ME1: variants seen among roughly 807,000 people sequenced by gnomAD.
ME1 encodes the protein NADP-dependent malic enzyme.
ME1 carries 74 observed loss-of-function variants against 66.4 expected under a neutral mutation model. The ratio of observed to expected loss-of-function variants is 1.11; its 90% confidence interval spans 0.92 to 1.35. ME1 has a LOEUF of 1.35. Among genes scored for constraint, ME1 ranks in the 40% most tolerant of loss-of-function variants. The pLI is 0.00. For synonymous variants in ME1, 251 were observed against 235.6 expected, an observed-to-expected ratio of 1.07 and a Z score of -0.60; for missense variants, 750 against 694.1, an observed-to-expected ratio of 1.08 and a Z score of -0.90.
At chr6:83,408,005 A>C (rs1017330581) in intron 1 of ME1, 104 bp from the exon 2 acceptor site, 1 of 1,329,242 alleles carries the variant, frequency 7.5e-7, no homozygotes, top group African/African-American at 1.5e-5. Context: ...AAAAATCCGA[A>C]GTCTGCGTCA....
chr6:83,253,821 A>C (rs1388648736), intron 6 of ME1, 83 bp from the exon 7 acceptor site: 1 of 680,310 alleles, frequency 1.5e-6, no homozygotes. Flanking sequence ...CCATAGAAAT[A>C]GGAAAACATT....
intron 8 of ME1, 105 bp from the exon 9 acceptor site, chr6:83,237,935 G>A: frequency 1.8e-6 from 1 of 556,904 alleles, no homozygotes; most frequent in Non-Finnish European, 3.1e-6. Context: ...AAATATTTTT[G>A]TCACATTTAG....
chr6:83,292,860 C>T (rs1397269504), intron 6 of ME1, among the ~76,000 whole-genome samples: 3 of 152,138 alleles, frequency 2.0e-5, no homozygotes, highest in African/African-American at 7.2e-5. Context: ...GTGGACGCCC[C>T]TCCCGCCGCC....
intron 4 of ME1, among the ~76,000 whole-genome samples, chr6:83,348,984 C>CAAAAAAAAAAAAAA (rs71545855): frequency 8.5e-5 from 4 of 47,196 alleles, no homozygotes; most frequent in South Asian, 6.5e-4. Context: ...AACTCTGTCT[C>CAAAAAAAAAAAAAA]AAAAAAAAAA....
rs140939405 is a variant in ME1, at chr6:83,427,733, C to T, written c.78+3144G>A. ...AAGAAAAAAAAATACAACTTATGGC[C>T]GGGTGCAGTAGCTCACGCCTGTAAT... On this transcript the variant is annotated intron_variant, in intron 1 of 13. Transcript: ENST00000369705. 4.2e-4 allele frequency among the ~76,000 whole-genome samples: 64 copies of T among 152,186 alleles called. No homozygotes were observed. The East Asian group carries it at 5.8e-3, about 14-fold the overall frequency.
intron 1 of ME1, among the ~76,000 whole-genome samples, chr6:83,412,643 C>A (rs1014444620): frequency 1.3e-5 from 2 of 148,332 alleles, no homozygotes; most frequent in Admixed American, 1.4e-4. Context: ...TATATCCATA[C>A]ACTGAAATAT....
intron 5 of ME1, among the ~76,000 whole-genome samples, chr6:83,341,972 CAA>C (rs2128543211): frequency 6.6e-6 from 1 of 152,272 alleles, no homozygotes; most frequent in African/African-American, 2.4e-5. Flanking sequence ...GACTGTGGGC[CAA>C]GTCTTCATTT....
chr6:83,274,519 G>A (rs1388973581), intron 6 of ME1, among the ~76,000 whole-genome samples: 1 of 152,096 alleles, frequency 6.6e-6, no homozygotes, highest in African/African-American at 2.4e-5. Flanking sequence ...ATTCATAAAA[G>A]GTTGTTTCAG....
rs145717975 is a variant in ME1 at position 83,327,329 on chromosome 6, G to A, written c.601-11916C>T. 6.5e-3 allele frequency among the ~76,000 whole-genome samples: 996 copies of A among 152,336 alleles called. 11 individuals are homozygous for A. The highest frequency in any genetic ancestry group is 0.023 in the African/African-American group (944 of 41,582). On this transcript the variant is annotated intron_variant, in intron 5 of 13. Coordinates refer to ENST00000369705, the MANE Select transcript of ME1 (RefSeq NM_002395.6). The stretch of plus-strand genomic sequence containing the variant: ...AACCTTAAACTCTGACCATTGGTGA[G>A]CTGGGCAGAACAGAGGCATATTTCT...
rs1232675185 is a variant in ME1 at position 83,261,999 on chromosome 6, G to A, written c.705-8261C>T. Reference sequence around the variant, plus strand: ...ACCGCACTCCAGCCTGGGCAACAGAGCGAGAATCCATCTCAAAAAAAAAAA... The same window carrying A: ...ACCGCACTCCAGCCTGGGCAACAGAACGAGAATCCATCTCAAAAAAAAAAA... On this transcript the variant is annotated intron_variant, in intron 6 of 13. Transcript: ENST00000369705. Among the ~76,000 whole-genome samples the A allele has an allele frequency of 2.2e-5, 3 of 137,900 alleles. No homozygotes were observed. The Admixed American group carries it at 2.4e-4, about 11-fold the overall frequency. 90.5% of individuals were successfully genotyped at this position (137,900 alleles called of 152,430 possible). A position where few individuals can be genotyped will look rare whatever the true frequency, so the allele number is the denominator to read the frequency against.
chr6:83,315,363 T>G lies in ME1; in HGVS notation c.651A>C (p.Arg217Ser). ...CCAAAAAATCATCATATTCAGAACC[T>G]CTTACTCTTCTCTGCCGTAGTCCAA... is the stretch of plus-strand genomic sequence containing the variant. ...LYIGLRQRRV[R>S]GSEYDDFLDE... Residue 217 changes from arginine to serine, a missense_variant, in exon 6 of 14, where the codon AGA (arginine) becomes AGC (serine). Coordinates refer to ENST00000369705, the MANE Select transcript of ME1 (RefSeq NM_002395.6). 6.2e-7 allele frequency: 1 copy of G among 1,612,600 alleles called. No individual in the cohort carries two copies.
intron 3 of ME1, among the ~76,000 whole-genome samples, chr6:83,353,742 T>C (rs1464885543): frequency 1.3e-5 from 2 of 152,204 alleles, no homozygotes; most frequent in Non-Finnish European, 2.9e-5. Flanking sequence ...GACATGTCTA[T>C]AGTAGTTTTG....
At position 83,301,326 on chromosome 6, in the gene ME1, CTCTCTCTCTCTCTT is replaced by C. The variant is rs1454733583; in HGVS notation, c.704+13970_704+13983del. Among the ~76,000 whole-genome samples the C allele has an allele frequency of 1.2e-3, 164 of 138,212 alleles. 1 individual carries two copies. The highest frequency in any genetic ancestry group is 2.0e-3 in the Non-Finnish European group (129 of 65,018). The allele number at this position is 138,212 out of a possible 152,430, so 90.7% of individuals were successfully genotyped here. On this transcript the variant is annotated intron_variant, in intron 6 of 13. Transcript: ENST00000369705. ...CTTCTTTCTTTCTTTCTCTCTCTCTCTCTCTCTCTCTCTTTCTTTCTTTCTTTCTTTCTTGAGAT... is the reference window on the plus strand; with the variant it reads ...CTTCTTTCTTTCTTTCTCTCTCTCTCTCTTTCTTTCTTTCTTTCTTGAGAT...
intron 1 of ME1, among the ~76,000 whole-genome samples, chr6:83,416,232 A>G (rs1770157509): frequency 6.6e-6 from 1 of 152,226 alleles, no homozygotes; most frequent in Non-Finnish European, 1.5e-5. Flanking sequence ...AAATGAGACC[A>G]GGTGTTTTTG....
intron 1 of ME1, among the ~76,000 whole-genome samples, chr6:83,425,522 G>T (rs75202717): frequency 0.067 from 10,174 of 152,070 alleles, 642 homozygotes; most frequent in African/African-American, 0.16. Context: ...TGAGCAAAAG[G>T]GGGGAAAGCC....
intron 6 of ME1, among the ~76,000 whole-genome samples, chr6:83,295,921 A>C (rs1767590162): frequency 6.6e-6 from 1 of 152,160 alleles, no homozygotes; most frequent in African/African-American, 2.4e-5. Context: ...AACTTTGAAG[A>C]GATGGATAAA....
chr6:83,307,864 AGAT>A (rs1330730888), intron 6 of ME1, among the ~76,000 whole-genome samples: 3 of 152,130 alleles, frequency 2.0e-5, no homozygotes. Context: ...TCTTTAGAAA[AGAT>A]GATATTAATA....
intron 7 of ME1, among the ~76,000 whole-genome samples, chr6:83,248,866 T>C (rs576606186): frequency 3.3e-5 from 5 of 152,254 alleles, no homozygotes; most frequent in East Asian, 3.9e-4. Context: ...AGTGTGAAAA[T>C]AGACTAATGC....
intron 6 of ME1, among the ~76,000 whole-genome samples, chr6:83,313,629 G>A (rs377567885): frequency 2.0e-5 from 3 of 151,968 alleles, no homozygotes; most frequent in African/African-American, 7.3e-5. Context: ...ATAGCCTTAC[G>A]GTATTATCTA....
Sources: gnomAD v4.1 joint callset for allele counts (sites outside exome capture counted in the v4.1 genomes callset) on GRCh38, gnomAD v4.1.1 for gene constraint, MANE v1.5 for transcripts, NCBI Gene and HGNC (gene_info 2026-07-23, HGNC 2026-07-21) for gene names.